Variants in CSMD3 observed in about 807,000 individuals in gnomAD.
The protein encoded by CSMD3 is CUB and Sushi multiple domains 3.
Under a neutral mutation model 435.2 loss-of-function variants are expected in CSMD3, and 177 were observed. The ratio of observed to expected loss-of-function variants is 0.41; its 90% CI spans 0.36 to 0.46. CSMD3 has a LOEUF of 0.46. Ranked by LOEUF, CSMD3 falls within the 20% of genes least tolerant of loss-of-function variation. The pLI, the probability that CSMD3 is intolerant of heterozygous loss-of-function variation, is 0.34. For synonymous variants in CSMD3, 1,656 were observed against 1,520.5 expected (o/e 1.09, Z -2.07); for missense variants, 4,265 against 4,504.6 (o/e 0.95, Z 1.52).
intron 7 of CSMD3, among the ~76,000 whole-genome samples, chr8:112,955,286 C>A (rs2083974929): frequency 6.6e-6 from 1 of 151,614 alleles, no homozygotes; most frequent in Non-Finnish European, 1.5e-5. Context: ...CATTCATTAT[C>A]ATTGCTTTTG....
chr8:112,318,182 C>G (rs1478561648), intron 47 of CSMD3, among the ~76,000 whole-genome samples: 1 of 151,988 alleles, frequency 6.6e-6, no homozygotes, highest in Non-Finnish European at 1.5e-5. Context: ...TAGCTCTGTT[C>G]TACCAGAATA....
At chr8:112,356,053 A>G (rs1012069452) in intron 38 of CSMD3, among the ~76,000 whole-genome samples, 1 of 152,150 alleles carries the variant, frequency 6.6e-6, no homozygotes, top group African/African-American at 2.4e-5. Flanking sequence ...GCAAGGCTGC[A>G]GAGAAAAAGG....
chr8:112,962,899 G>A (rs574466432), intron 7 of CSMD3, among the ~76,000 whole-genome samples: 4 of 151,990 alleles, frequency 2.6e-5, no homozygotes, highest in South Asian at 2.1e-4. Flanking sequence ...AAGCACTGGC[G>A]TCACCTGGGA....
At chr8:112,853,724 T>C (rs1377109339) in intron 11 of CSMD3, among the ~76,000 whole-genome samples, 2 of 152,240 alleles carry the variant, frequency 1.3e-5, no homozygotes, top group Non-Finnish European at 2.9e-5. Context: ...AAAGATAAAC[T>C]GTTTTTTCTC....
In CSMD3 at chr8:112,410,585, C is replaced by CATATGTATATATATGTGTATATAT. The variant is rs1832258709; in HGVS notation, c.5396-1554_5396-1553insATATATACACATATATATACATAT. Among the ~76,000 whole-genome samples, 18 of 74,056 alleles carry CATATGTATATATATGTGTATATAT rather than the reference C, an allele frequency of 2.4e-4. 1 individual carries two copies. In the East Asian group the frequency reaches 3.9e-3, roughly 16 times the overall value. The allele number at this position is 74,056 out of a possible 152,430, so 48.6% of individuals were successfully genotyped here. A position where few individuals can be genotyped will look rare whatever the true frequency, so the allele number is the denominator to read the frequency against. On this transcript the variant is annotated intron_variant, in intron 32 of 70. Coordinates refer to ENST00000297405, the MANE Select transcript of CSMD3 (RefSeq NM_198123.2). ...CTGAATTGTACTATGTATATACATA[C>CATATGTATATATATGTGTATATAT]ATATGTATATATATATGTGTATATA... is the stretch of plus-strand genomic sequence containing the variant.
At chr8:113,420,874 C>T (rs1470072314) in intron 1 of CSMD3, among the ~76,000 whole-genome samples, 1 of 151,520 alleles carries the variant, frequency 6.6e-6, no homozygotes, top group East Asian at 1.9e-4. Context: ...TTCCTGAACC[C>T]AGCAGGCGGA....
At position 112,314,591 on chromosome 8, in the gene CSMD3, G is replaced by A. The variant is rs1423012974; in HGVS notation, c.7387C>T (p.Leu2463=). The A allele has an allele frequency of 1.2e-6, 2 of 1,612,476 alleles. No individual in the cohort carries two copies. The highest frequency in any genetic ancestry group is 1.7e-6 in the Non-Finnish European group (2 of 1,178,762). ...QVLCPANELR[L]DSTGVILSPG... Reference sequence around the variant, plus strand: ...CTCAATATGACTCCAGTAGAATCTAGCCGTAATTCATTGGCAGGACAGAGC... The same window carrying A: ...CTCAATATGACTCCAGTAGAATCTAACCGTAATTCATTGGCAGGACAGAGC... Residue 2463 remains leucine (L), a synonymous_variant, in exon 48 of 71, where the codon CTA becomes TTA. Coordinates refer to ENST00000297405, the MANE Select transcript of CSMD3 (RefSeq NM_198123.2).
At chr8:112,458,215 C>CCACACGCACACACACACACA (rs1554579457) in intron 32 of CSMD3, among the ~76,000 whole-genome samples, 4 of 150,690 alleles carry the variant, frequency 2.7e-5, no homozygotes, top group African/African-American at 9.7e-5. Context: ...ACACTCACAC[C>CCACACGCACACACACACACA]CACACACACA....
At chr8:112,370,030 GAAGAAGAA>G (rs1828203500) in intron 38 of CSMD3, among the ~76,000 whole-genome samples, 1 of 66,106 alleles carries the variant, frequency 1.5e-5, no homozygotes, top group Non-Finnish European at 3.9e-5. Context: ...AGAGGAAGAA[GAAGAAGAA>G]GAAGAAGAAG....
intron 13 of CSMD3, among the ~76,000 whole-genome samples, chr8:112,739,863 T>G (rs2077265001): frequency 6.6e-6 from 1 of 151,884 alleles, no homozygotes; most frequent in Non-Finnish European, 1.5e-5. Context: ...AGTTTTGTAT[T>G]ATGTACTACA....
At chr8:113,039,713 G>A (rs1164666604) in intron 5 of CSMD3, among the ~76,000 whole-genome samples, 1 of 152,054 alleles carries the variant, frequency 6.6e-6, no homozygotes, top group Non-Finnish European at 1.5e-5. Context: ...AATTGTATCA[G>A]GACTATTTAA....
intron 1 of CSMD3, among the ~76,000 whole-genome samples, chr8:113,428,992 C>G (rs575455644): frequency 1.6e-4 from 24 of 151,816 alleles, no homozygotes; most frequent in Admixed American, 1.4e-3. Flanking sequence ...TCTTCATAAT[C>G]TTAAACATTA....
chr8:112,337,022 C>T (rs942527459), intron 43 of CSMD3, among the ~76,000 whole-genome samples, 193 bp from the exon 44 acceptor site: 11 of 152,086 alleles, frequency 7.2e-5, no homozygotes, highest in African/African-American at 2.4e-4. Flanking sequence ...TATTTTTCCA[C>T]ATGAGGTATA....
At chr8:112,427,679 T>C (rs1813214565) in intron 32 of CSMD3, among the ~76,000 whole-genome samples, 1 of 152,212 alleles carries the variant, frequency 6.6e-6, no homozygotes, top group Non-Finnish European at 1.5e-5. Flanking sequence ...ACTGTGTTTC[T>C]ATGCTAGGCT....
At chr8:113,236,848 T>C (rs2093156824) in intron 3 of CSMD3, among the ~76,000 whole-genome samples, 1 of 152,154 alleles carries the variant, frequency 6.6e-6, no homozygotes, top group Non-Finnish European at 1.5e-5. Context: ...TACCTACCTA[T>C]TCAACTATCT....
chr8:112,508,277 A>G (rs1206205301), intron 28 of CSMD3, among the ~76,000 whole-genome samples: 1 of 152,130 alleles, frequency 6.6e-6, no homozygotes, highest in Non-Finnish European at 1.5e-5. Flanking sequence ...ATTGTTTACT[A>G]TAAGGAAACA....
chr8:112,352,153 T>A (rs1374299985), intron 39 of CSMD3, among the ~76,000 whole-genome samples: 3 of 152,108 alleles, frequency 2.0e-5, no homozygotes, highest in Non-Finnish European at 2.9e-5. Flanking sequence ...TTAATCTAAT[T>A]AATTAAAATC....
intron 16 of CSMD3, among the ~76,000 whole-genome samples, chr8:112,676,990 T>C (rs2075783397): frequency 6.6e-6 from 1 of 152,130 alleles, no homozygotes; most frequent in South Asian, 2.1e-4. Context: ...CTTCTCGTTG[T>C]TTTCAAAATC....
intron 6 of CSMD3, among the ~76,000 whole-genome samples, chr8:112,991,816 A>G (rs898328794): frequency 6.6e-6 from 1 of 151,914 alleles, no homozygotes. Context: ...ATTAAAAGTT[A>G]TATGTAATGA....
Sources: allele counts gnomAD v4.1 joint callset (sites outside exome capture counted in the v4.1 genomes callset), GRCh38; gene constraint gnomAD v4.1.1; transcripts MANE v1.5; gene names NCBI Gene and HGNC (gene_info 2026-07-23, HGNC 2026-07-21).